Variants in RERE observed in about 807,000 individuals in gnomAD.
RERE encodes the protein arginine-glutamic acid dipeptide repeats protein.
In RERE, 40 loss-of-function variants were observed where a neutral mutation model predicts 146.1. The observed-to-expected ratio is 0.27, with a 90% CI of 0.21 to 0.36. RERE has a LOEUF of 0.36. Ranked by LOEUF, RERE falls within the 10% of genes least tolerant of loss-of-function variation. RERE has a pLI of 1.00. For synonymous variants in RERE, 1,003 were observed against 866.0 expected (o/e 1.16, Z -2.78); for missense variants, 1,933 against 2,138.7 (o/e 0.90, Z 1.90).
At chr1:8,620,605 C>T (rs113609972) in intron 3 of RERE, among the ~76,000 whole-genome samples, 90 of 152,266 alleles carry the variant, frequency 5.9e-4, no homozygotes, top group African/African-American at 2.1e-3. Flanking sequence ...TGCCAGGCCA[C>T]AAGGATCACA....
intron 1 of RERE, among the ~76,000 whole-genome samples, chr1:8,718,389 G>A (rs1016453104): frequency 2.6e-5 from 4 of 152,202 alleles, no homozygotes; most frequent in South Asian, 4.1e-4. Context: ...ACACCAAAGA[G>A]CGGCAAAATG....
intron 7 of RERE, among the ~76,000 whole-genome samples, chr1:8,513,976 A>G (rs1645376993): frequency 6.6e-6 from 1 of 152,198 alleles, no homozygotes; most frequent in Non-Finnish European, 1.5e-5. Context: ...TTTATAGAGA[A>G]TGTCAGTTTA....
chr1:8,486,356 GAATTA>G (rs1212243554), intron 10 of RERE, among the ~76,000 whole-genome samples: 1 of 151,960 alleles, frequency 6.6e-6, no homozygotes, highest in Non-Finnish European at 1.5e-5. Context: ...TTTGACCACT[GAATTA>G]AATTAAATTA....
chr1:8,680,417 C>T (rs187205716), intron 1 of RERE, among the ~76,000 whole-genome samples: 3 of 152,254 alleles, frequency 2.0e-5, no homozygotes, highest in East Asian at 1.9e-4. Flanking sequence ...AGCAAGCAAA[C>T]GTAGTGTGGT....
At chr1:8,409,999 T>TAC (rs1643568748) in intron 12 of RERE, among the ~76,000 whole-genome samples, 2 of 116,684 alleles carry the variant, frequency 1.7e-5, no homozygotes, top group Admixed American at 8.9e-5. Flanking sequence ...TTTTTTTTTT[T>TAC]ACTAAATCCG....
intron 1 of RERE, among the ~76,000 whole-genome samples, chr1:8,747,747 TA>T (rs930772663): frequency 7.2e-5 from 11 of 152,240 alleles, no homozygotes; most frequent in African/African-American, 2.6e-4. Context: ...TATTATTTCC[TA>T]GCCTAGTTGT....
chr1:8,455,617 C>T (rs1331523410), intron 11 of RERE, among the ~76,000 whole-genome samples: 1 of 152,122 alleles, frequency 6.6e-6, no homozygotes, highest in East Asian at 1.9e-4. Context: ...TCTCCCTAGA[C>T]GGTGGCAGCT....
intron 1 of RERE, among the ~76,000 whole-genome samples, chr1:8,714,635 G>A (rs765198913): frequency 6.6e-5 from 10 of 152,190 alleles, no homozygotes; most frequent in Non-Finnish European, 1.3e-4. Flanking sequence ...TGAAAGGGAA[G>A]TCTTCTTCCA....
intron 8 of RERE, among the ~76,000 whole-genome samples, chr1:8,500,551 G>C (rs557811718): frequency 6.6e-6 from 1 of 152,090 alleles, no homozygotes; most frequent in East Asian, 1.9e-4. Flanking sequence ...GTGTGATCTC[G>C]GCTCGCTACA....
At chr1:8,662,044 T>C (rs1351404094) in intron 1 of RERE, among the ~76,000 whole-genome samples, 1 of 152,178 alleles carries the variant, frequency 6.6e-6, no homozygotes, top group Non-Finnish European at 1.5e-5. Flanking sequence ...GATTAGAAGA[T>C]TATACATCAT....
At chr1:8,414,369 A>G (rs1643701796) in intron 12 of RERE, among the ~76,000 whole-genome samples, 1 of 151,722 alleles carries the variant, frequency 6.6e-6, no homozygotes, top group Non-Finnish European at 1.5e-5. Context: ...ACATGGTGAA[A>G]CCCCATCTCT....
chr1:8,374,582 GCCGGCCCTC>G (rs1178938760), intron 12 of RERE, among the ~76,000 whole-genome samples: 1 of 152,086 alleles, frequency 6.6e-6, no homozygotes, highest in African/African-American at 2.4e-5. Context: ...TCTTCCCTGG[GCCGGCCCTC>G]CCATGCTGCA....
At chr1:8,657,077 T>C (rs1282614203) in intron 1 of RERE, among the ~76,000 whole-genome samples, 1 of 151,920 alleles carries the variant, frequency 6.6e-6, no homozygotes, top group African/African-American at 2.4e-5. Context: ...CCGAGGAAGA[T>C]GGATCACGGG....
At chr1:8,398,668 CA>C (rs1484063521) in intron 12 of RERE, among the ~76,000 whole-genome samples, 1 of 152,128 alleles carries the variant, frequency 6.6e-6, no homozygotes, top group Admixed American at 6.5e-5. Context: ...GAGTCTTCCC[CA>C]ACTCTGGAAG....
intron 1 of RERE, among the ~76,000 whole-genome samples, chr1:8,815,225 C>G (rs1160456192): frequency 2.0e-5 from 3 of 152,204 alleles, no homozygotes; most frequent in Admixed American, 6.5e-5. Flanking sequence ...TCTTATAACC[C>G]TTATTTACAA....
In RERE at chr1:8,508,669, C is replaced by G. The variant is rs1301605145; in HGVS notation, c.837G>C (p.Leu279=). Residue 279 remains leucine, a synonymous_variant, in exon 8 of 23, where the codon CTG becomes CTC. Transcript: ENST00000400908. Reference sequence around the variant, plus strand: ...CACGAATCTCCCCCTGGGTACTGTTCAGCCTCCTGGAACAGAAATAGAGCA... The same window carrying G: ...CACGAATCTCCCCCTGGGTACTGTTGAGCCTCCTGGAACAGAAATAGAGCA... ...ILGYNPETRR[L]NSTQGEIRVG... is the part of the protein sequence containing the mutation. 6.2e-6 allele frequency: 10 copies of G among 1,612,844 alleles called. No individual in the cohort carries two copies. Among genetic ancestry groups the G allele is most frequent in the African/African-American group, 1.3e-5 (1 of 75,018 alleles).
At chr1:8,593,442 T>C (rs1035637789) in intron 4 of RERE, among the ~76,000 whole-genome samples, 3 of 151,866 alleles carry the variant, frequency 2.0e-5, no homozygotes, top group Admixed American at 2.0e-4. Flanking sequence ...TAAAGGGGAG[T>C]TCCCCTGCAC....
At chr1:8,723,706 C>T (rs952082726) in intron 1 of RERE, among the ~76,000 whole-genome samples, 3 of 152,106 alleles carry the variant, frequency 2.0e-5, no homozygotes, top group African/African-American at 7.2e-5. Flanking sequence ...TATTTGGTGC[C>T]AACAAAAGCT....
At chr1:8,481,775 A>G (rs1262200791) in intron 10 of RERE, among the ~76,000 whole-genome samples, 4 of 152,330 alleles carry the variant, frequency 2.6e-5, no homozygotes, top group African/African-American at 9.6e-5. Flanking sequence ...TGGCTTATCA[A>G]AAGCACATAT....
Sources: allele counts gnomAD v4.1 joint callset (sites outside exome capture counted in the v4.1 genomes callset), GRCh38; gene constraint gnomAD v4.1.1; transcripts MANE v1.5; gene names NCBI Gene and HGNC (gene_info 2026-07-23, HGNC 2026-07-21).